Variants in GRID1 observed in about 807,000 individuals in gnomAD.
The protein encoded by GRID1 is glutamate ionotropic receptor delta type subunit 1, also known as glutamate receptor ionotropic, delta-1.
A neutral mutation model predicts 98.0 loss-of-function variants in GRID1; 28 were observed. The observed-to-expected ratio is 0.29, with a 90% confidence interval of 0.21 to 0.39. The LOEUF is 0.39. GRID1 is among the 10% of genes least tolerant of loss of function. The probability of loss-of-function intolerance (pLI) is 1.00; values close to 1 mark genes in which losing one functional copy is unlikely to be tolerated. For missense variants in GRID1, 1,111 were observed against 1,340.5 expected, an observed-to-expected ratio of 0.83 and a Z score of 2.67; for synonymous variants, 553 against 538.5, an observed-to-expected ratio of 1.03 and a Z score of -0.37.
At chr10:86,069,358 G>A (rs1453264769) in intron 4 of GRID1, among the ~76,000 whole-genome samples, 1 of 152,184 alleles carries the variant, frequency 6.6e-6, no homozygotes, top group African/African-American at 2.4e-5. Flanking sequence ...GCAGTCAAGA[G>A]TGCTTCCCGG....
chr10:86,241,434 T>C (rs937836232), intron 2 of GRID1, among the ~76,000 whole-genome samples: 5 of 152,100 alleles, frequency 3.3e-5, no homozygotes, highest in African/African-American at 4.8e-5. Context: ...GCAGGCTGAG[T>C]CCCTCTGGGC....
At chr10:86,241,680 T>C (rs1846638833) in intron 2 of GRID1, among the ~76,000 whole-genome samples, 1 of 152,252 alleles carries the variant, frequency 6.6e-6, no homozygotes, top group South Asian at 2.1e-4. Context: ...CAGTGAATAA[T>C]AGGAATGAGC....
intron 8 of GRID1, among the ~76,000 whole-genome samples, chr10:85,836,581 G>T (rs763308518): frequency 1.3e-5 from 2 of 152,148 alleles, no homozygotes; most frequent in Non-Finnish European, 2.9e-5. Context: ...AGGGATAGCT[G>T]ATTAGAGAAG....
intron 2 of GRID1, among the ~76,000 whole-genome samples, chr10:86,281,702 T>C (rs77085417): frequency 0.071 from 10,830 of 152,062 alleles, 1,075 homozygotes; most frequent in African/African-American, 0.23. Context: ...TAGGCCTTCA[T>C]TGGGCATCAG....
intron 8 of GRID1, among the ~76,000 whole-genome samples, chr10:85,735,449 A>G (rs1429535651): frequency 1.3e-5 from 2 of 152,166 alleles, no homozygotes; most frequent in Non-Finnish European, 2.9e-5. Flanking sequence ...CAATTGGAGA[A>G]TATATTTCAC....
At chr10:85,750,588 T>A (rs1317769791) in intron 8 of GRID1, among the ~76,000 whole-genome samples, 2 of 152,196 alleles carry the variant, frequency 1.3e-5, no homozygotes, top group Non-Finnish European at 2.9e-5. Flanking sequence ...TTATAAAATA[T>A]TTTTAAAATG....
At chr10:85,792,471 A>T (rs1464340470) in intron 8 of GRID1, among the ~76,000 whole-genome samples, 1 of 152,206 alleles carries the variant, frequency 6.6e-6, no homozygotes, top group Non-Finnish European at 1.5e-5. Flanking sequence ...AGACACTGGA[A>T]GCCAGAATCC....
chr10:85,663,191 A>G (rs1840985025), intron 12 of GRID1, among the ~76,000 whole-genome samples: 2 of 152,160 alleles, frequency 1.3e-5, no homozygotes, highest in South Asian at 4.1e-4. Context: ...TCACTTGGGG[A>G]GTCCTTATCA....
intron 8 of GRID1, among the ~76,000 whole-genome samples, chr10:85,737,645 G>GATATATATATATATATATATATATAT (rs66947723): frequency 9.5e-4 from 91 of 95,618 alleles, no homozygotes; most frequent in Non-Finnish European, 1.1e-3. Flanking sequence ...AGTAAAGCCA[G>GATATATATATATATATATATATATAT]ATATATATAT....
At chr10:86,137,529 C>T (rs1374902061) in intron 4 of GRID1, among the ~76,000 whole-genome samples, 3 of 152,198 alleles carry the variant, frequency 2.0e-5, no homozygotes, top group African/African-American at 7.2e-5. Flanking sequence ...ATCACCAGTA[C>T]AGAATCCAGC....
At chr10:86,151,197 G>A (rs1773827988) in intron 3 of GRID1, among the ~76,000 whole-genome samples, 2 of 152,170 alleles carry the variant, frequency 1.3e-5, no homozygotes, top group South Asian at 4.1e-4. Flanking sequence ...CGTGGGAAGG[G>A]ATGAGAAGGA....
intron 4 of GRID1, among the ~76,000 whole-genome samples, chr10:86,116,206 A>T (rs554192835): frequency 1.7e-3 from 255 of 152,330 alleles, no homozygotes; most frequent in African/African-American, 5.8e-3. Flanking sequence ...AGAAATATCA[A>T]CCAAGTGCAG....
intron 2 of GRID1, among the ~76,000 whole-genome samples, chr10:86,230,110 C>A (rs1394848302): frequency 6.6e-6 from 1 of 152,196 alleles, no homozygotes. Context: ...AGCCCTCCTG[C>A]CTATGGTGAC....
intron 8 of GRID1, among the ~76,000 whole-genome samples, chr10:85,814,490 A>G (rs915684198): frequency 9.2e-5 from 14 of 152,024 alleles, no homozygotes; most frequent in Admixed American, 5.9e-4. Context: ...AGAAAAATCA[A>G]TGAAACTAAA....
At chr10:86,227,362 G>C (rs1398025204) in intron 2 of GRID1, among the ~76,000 whole-genome samples, 1 of 152,168 alleles carries the variant, frequency 6.6e-6, no homozygotes, top group Non-Finnish European at 1.5e-5. Context: ...TACTCCCTAA[G>C]AACTTGCTCA....
intron 2 of GRID1, among the ~76,000 whole-genome samples, chr10:86,207,023 C>G (rs1246700050): frequency 6.6e-6 from 1 of 152,148 alleles, no homozygotes; most frequent in Non-Finnish European, 1.5e-5. Flanking sequence ...GGACTATAAG[C>G]CCTTTAAGAG....
intron 3 of GRID1, among the ~76,000 whole-genome samples, chr10:86,140,077 T>G (rs1047684837): frequency 6.6e-6 from 1 of 152,226 alleles, no homozygotes; most frequent in Non-Finnish European, 1.5e-5. Flanking sequence ...AACTTTCCAG[T>G]TCCATGAGCC....
At chr10:85,932,145 G>T (rs896963143) in intron 4 of GRID1, among the ~76,000 whole-genome samples, 5 of 152,178 alleles carry the variant, frequency 3.3e-5, no homozygotes, top group Non-Finnish European at 5.9e-5. Context: ...CCCCACAATA[G>T]TATCTTTATT....
intron 4 of GRID1, among the ~76,000 whole-genome samples, chr10:86,076,726 A>T (rs1437830050): frequency 6.6e-6 from 1 of 152,076 alleles, no homozygotes; most frequent in East Asian, 1.9e-4. Context: ...CACCCACATC[A>T]TGGCGAGCAA....
Sources: gnomAD v4.1 joint callset for allele counts (sites outside exome capture counted in the v4.1 genomes callset) on GRCh38, gnomAD v4.1.1 for gene constraint, MANE v1.5 for transcripts, NCBI Gene and HGNC (gene_info 2026-07-23, HGNC 2026-07-21) for gene names.